Variants in CYP7A1 observed in about 807,000 individuals in gnomAD.
CYP7A1 encodes the protein cytochrome P450 7A1.
CYP7A1 carries 28 observed loss-of-function variants against 43.8 expected under a neutral mutation model. The ratio of observed to expected loss-of-function variants is 0.64; its 90% CI spans 0.47 to 0.88. The LOEUF is 0.88. CYP7A1 is among the 40% of genes least tolerant of loss of function. The pLI is 0.00. For missense variants in CYP7A1, 637 were observed against 611.9 expected (o/e 1.04, Z -0.43); for synonymous variants, 227 against 222.5 (o/e 1.02, Z -0.18).
chr8:58,496,497 T>C, intron 3 of CYP7A1, 107 bp downstream of exon 3: 1 of 816,250 alleles, frequency 1.2e-6, no homozygotes, highest in Non-Finnish European at 2.0e-6. Context: ...ACGTTCTTGA[T>C]TGACGGCATG....
At chr8:58,492,924 C>T (rs1044493064) in intron 4 of CYP7A1, among the ~76,000 whole-genome samples, 4 of 152,034 alleles carry the variant, frequency 2.6e-5, no homozygotes, top group Non-Finnish European at 5.9e-5. Flanking sequence ...GCCACCATAC[C>T]CAGCTAATTT....
rs201669023 is a variant in CYP7A1, at chr8:58,495,287, G to A, written c.909-651C>T. On this transcript the variant is annotated intron_variant, in intron 3 of 5. Transcript: ENST00000301645. ...GTCGCCCAGGCTGGAGTGCAGGGGC[G>A]CAATCTTGGCTCACCGCAAGCTCCG... Among the ~76,000 whole-genome samples, 81 of 139,916 alleles carry A rather than the reference G, an allele frequency of 5.8e-4. 1 individual carries two copies. The East Asian group carries it at 0.013, about 22-fold the overall frequency. The allele number at this position is 139,916 out of a possible 152,430, so 91.8% of individuals were successfully genotyped here.
At chr8:58,499,498 A>G (rs1442255016) in intron 1 of CYP7A1, among the ~76,000 whole-genome samples, 1 of 152,232 alleles carries the variant, frequency 6.6e-6, no homozygotes, top group Non-Finnish European at 1.5e-5. Flanking sequence ...ACCACAGTTG[A>G]TTAACATTTA....
chr8:58,499,764 T>C (rs1005383968), intron 1 of CYP7A1, among the ~76,000 whole-genome samples: 2 of 152,174 alleles, frequency 1.3e-5, no homozygotes, highest in African/African-American at 4.8e-5. Flanking sequence ...CTGTCAGTTA[T>C]GTTTAACACC....
Position 58,490,306 on chromosome 8 carries a change from T to C in CYP7A1, c.*1169A>G, listed in dbSNP as rs1351910242. The C allele has an allele frequency of 6.6e-6, 1 of 152,118 alleles. No individual in the cohort carries two copies. Among genetic ancestry groups the C allele is most frequent in the Non-Finnish European group, 1.5e-5 (1 of 68,014 alleles). The allele number at this position is 152,118 out of a possible 1,614,324, so 9.4% of individuals were successfully genotyped here. On this transcript the variant is annotated 3_prime_UTR_variant, in exon 6 of 6. Coordinates refer to ENST00000301645, the MANE Select transcript of CYP7A1 (RefSeq NM_000780.4). ...TAAATATAAATACTACACAGAAATA[T>C]CAATTGACATAGAGCTGATAACTCA...
rs906511867 is a variant in CYP7A1 at position 58,497,019 on chromosome 8, C to T, written c.493G>A (p.Ala165Thr). ...GAATACATCCCTTCTGTCACCCAGG[C>T]AGCGGTCTTTGAGTTAGAGGAGACT... The part of the protein sequence containing the change: ...PPVSSNSKTA[A>T]WVTEGMYSFC... The change falls in exon 3 of 6, where the codon GCC becomes ACC. Residue 165 changes from alanine (A) to threonine (T), a missense_variant. Ala to Thr is a moderately conservative substitution (Grantham distance 58). Coordinates refer to ENST00000301645, the MANE Select transcript of CYP7A1 (RefSeq NM_000780.4). 1.9e-6 allele frequency: 3 copies of T among 1,612,048 alleles called. No individual in the cohort carries two copies. The highest frequency in any genetic ancestry group is 2.5e-6 in the Non-Finnish European group (3 of 1,180,028).
In CYP7A1 at chr8:58,490,468, C is replaced by T. The variant is rs1487869445; in HGVS notation, c.*1007G>A. The T allele has an allele frequency of 6.6e-6, 1 of 152,300 alleles. No individual in the cohort carries two copies. The highest frequency in any genetic ancestry group is 1.9e-4 in the East Asian group (1 of 5,184). 9.4% of individuals were successfully genotyped at this position (152,300 alleles called of 1,614,324 possible). On this transcript the variant is annotated 3_prime_UTR_variant, in exon 6 of 6. Transcript: ENST00000301645. Reference sequence around the variant, plus strand: ...ATAATGTCAAGCTGCACTTAATACACTCCACATGTTTCATAACCAAAGCTT... The same window carrying T: ...ATAATGTCAAGCTGCACTTAATACATTCCACATGTTTCATAACCAAAGCTT...
chr8:58,494,542 A>G lies in CYP7A1; in HGVS notation c.1003T>C (p.Leu335=), dbSNP rs886044203. The G allele has an allele frequency of 3.1e-6, 5 of 1,614,038 alleles. No homozygotes were observed. The highest frequency in any genetic ancestry group is 2.5e-6 in the Non-Finnish European group (3 of 1,180,026). The change falls in exon 4 of 6, where the codon TTG becomes CTG. Residue 335 remains leucine (L), a synonymous_variant. Coordinates refer to ENST00000301645, the MANE Select transcript of CYP7A1 (RefSeq NM_000780.4). The stretch of plus-strand genomic sequence containing the variant: ...AGGTCATTCAGTTCTGCTTGACTCA[A>G]ACAAATAGGATTGCCTTCCAAGCTG... ...KVSLEGNPIC[L]SQAELNDLPV...
intron 3 of CYP7A1, among the ~76,000 whole-genome samples, 179 bp downstream of exon 3, chr8:58,496,425 C>T (rs554558594): frequency 6.6e-6 from 1 of 152,206 alleles, no homozygotes; most frequent in East Asian, 1.9e-4. Flanking sequence ...GCCATAGCTG[C>T]CTATGTTTTT....
intron 2 of CYP7A1, 149 bp downstream of exon 2, chr8:58,498,080 T>A (rs1809475548): frequency 2.3e-6 from 2 of 866,766 alleles, no homozygotes; most frequent in South Asian, 3.5e-5. Flanking sequence ...CTACGTATAA[T>A]TTATTTATGT....
Position 58,491,553 on chromosome 8 carries a change from C to T in CYP7A1, c.1437G>A (p.Leu479=). The change falls in exon 6 of 6, where the codon TTG becomes TTA. Residue 479 remains leucine (L), a synonymous_variant. Transcript: ENST00000301645. ...TGCCCAAGCCTGCCCGGGACTGGTC[C>T]AAAGGTGGACATTTAGCTTGGCCCT... ...LIEGQAKCPP[L]DQSRAGLGIL... 1 of 1,614,060 alleles carries T rather than the reference C, an allele frequency of 6.2e-7. No homozygotes were observed. The highest frequency in any genetic ancestry group is 8.5e-7 in the Non-Finnish European group (1 of 1,180,000).
chr8:58,494,664 T>C, intron 3 of CYP7A1, 28 bp from the exon 4 acceptor site: 3 of 1,611,210 alleles, frequency 1.9e-6, no homozygotes, highest in Non-Finnish European at 1.7e-6. Flanking sequence ...AAAACATGTA[T>C]GTACAGAAAA....
At chr8:58,499,963 G>T in intron 1 of CYP7A1, 56 bp downstream of exon 1, 1 of 1,410,118 alleles carries the variant, frequency 7.1e-7, no homozygotes, top group Non-Finnish European at 1.0e-6. Context: ...AAAAATGAAG[G>T]TAAAAAAATT....
intron 3 of CYP7A1, among the ~76,000 whole-genome samples, chr8:58,495,525 G>A (rs1585643017): frequency 6.6e-6 from 1 of 152,180 alleles, no homozygotes. Flanking sequence ...ATTGCGCCCG[G>A]CCTGGTCAGG....
chr8:58,500,041 GCC>G lies in CYP7A1; in HGVS notation c.56_57del (p.Trp19SerfsTer6), dbSNP rs1323265722. 1 of 1,612,592 alleles carries G rather than the reference GCC, an allele frequency of 6.2e-7. No individual in the cohort carries two copies. The highest frequency in any genetic ancestry group is 1.1e-5 in the South Asian group (1 of 91,048). ...GIAIAACCCL[W>X]LILGIRRRQT... ...TACCTTCTCCTAATTCCAAGAATAAGCCATAGACAACAGCATGCTGCTATAGC... is the reference window on the plus strand; with the variant it reads ...TACCTTCTCCTAATTCCAAGAATAAGATAGACAACAGCATGCTGCTATAGC... On this transcript the variant is annotated frameshift_variant, in exon 1 of 6. Coordinates refer to ENST00000301645, the MANE Select transcript of CYP7A1 (RefSeq NM_000780.4). LOFTEE classifies it high-confidence loss of function.
intron 2 of CYP7A1, 140 bp downstream of exon 2, chr8:58,498,089 G>A (rs547683114): frequency 1.1e-6 from 1 of 920,106 alleles, no homozygotes; most frequent in Non-Finnish European, 1.6e-6. Flanking sequence ...ATTTATTTAT[G>A]TTTCTAAGAA....
Position 58,495,429 on chromosome 8 carries a change from C to T in CYP7A1, c.909-793G>A, listed in dbSNP as rs561020963. Among the ~76,000 whole-genome samples the T allele has an allele frequency of 3.2e-4, 49 of 151,996 alleles. No individual in the cohort carries two copies. The South Asian group carries it at 9.6e-3, about 30-fold the overall frequency. On this transcript the variant is annotated intron_variant, in intron 3 of 5. Coordinates refer to ENST00000301645, the MANE Select transcript of CYP7A1 (RefSeq NM_000780.4). ...TTTTTTAGTAGAGACGGGGTTTCAC[C>T]GTGTTAGCCAGGATGGTCTCGATCT...
At chr8:58,495,690 G>A (rs74933790) in intron 3 of CYP7A1, among the ~76,000 whole-genome samples, 2,415 of 152,284 alleles carry the variant, frequency 0.016, 50 homozygotes, top group East Asian at 0.11. Context: ...AAATTGATGC[G>A]TATGCCTGCT....
Position 58,491,565 on chromosome 8 carries a change from T to G in CYP7A1, c.1425A>C (p.Lys475Asn). 1.2e-6 allele frequency: 2 copies of G among 1,614,214 alleles called. No individual in the cohort carries two copies. Among genetic ancestry groups the G allele is most frequent in the Non-Finnish European group, 8.5e-7 (1 of 1,180,026 alleles). ...CCCGGGACTGGTCCAAAGGTGGACA[T>G]TTAGCTTGGCCCTCTATAAGCTCCA... Reference protein sequence around the residue: ...FELELIEGQAKCPPLDQSRAG... With the variant: ...FELELIEGQANCPPLDQSRAG... The change falls in exon 6 of 6, where the codon AAA becomes AAC. Residue 475 changes from lysine to asparagine, a missense_variant. Physicochemically the swap from Lys to Asn is moderately conservative, Grantham distance 94 (BLOSUM62 0). Coordinates refer to ENST00000301645, the MANE Select transcript of CYP7A1 (RefSeq NM_000780.4).
Sources: allele counts gnomAD v4.1 joint callset (sites outside exome capture counted in the v4.1 genomes callset), GRCh38; gene constraint gnomAD v4.1.1; transcripts MANE v1.5; gene names NCBI Gene and HGNC (gene_info 2026-07-23, HGNC 2026-07-21).